CCR5AS: variants seen among roughly 807,000 people sequenced by gnomAD.
CCR5AS encodes the protein CCR5 antisense RNA.
intron 2 of CCR5AS, chr3:46,372,838 G>T: frequency 7.8e-7 from 1 of 1,276,606 alleles, no homozygotes; most frequent in Non-Finnish European, 1.1e-6. Context: ...TTCATGGAGG[G>T]CAACTAAATA....
chr3:46,404,297 T>TTC (rs149336611), intron 1 of CCR5AS, among the ~76,000 whole-genome samples: 4,207 of 71,038 alleles, frequency 0.059, 418 homozygotes, highest in African/African-American at 0.12. Context: ...CAGCAAGGCT[T>TTC]TCTCTCTCTC....
chr3:46,405,862 C>T lies in CCR5AS; in HGVS notation n.163+1035G>A, dbSNP rs183108808. Among the ~76,000 whole-genome samples the T allele has an allele frequency of 2.5e-4, 38 of 151,954 alleles. No individual in the cohort carries two copies. In the East Asian group the frequency reaches 6.6e-3, roughly 26 times the overall value. On this transcript the variant is annotated intron_variant and non_coding_transcript_variant, in intron 1 of 3. Coordinates refer to ENST00000451485, the Ensembl canonical transcript of CCR5AS. Reference sequence around the variant, plus strand: ...TCTCTCCTCCCTTCCTCTCCCCGCCCCTCCTCCTCCTTCTTCTTTTTTTTT... The same window carrying T: ...TCTCTCCTCCCTTCCTCTCCCCGCCTCTCCTCCTCCTTCTTCTTTTTTTTT...
chr3:46,394,236 C>T (rs1701940175), intron 1 of CCR5AS, among the ~76,000 whole-genome samples: 1 of 152,152 alleles, frequency 6.6e-6, no homozygotes, highest in African/African-American at 2.4e-5. Context: ...TCCCCAGCAA[C>T]AAAAACCTAC....
intron 2 of CCR5AS, among the ~76,000 whole-genome samples, chr3:46,388,351 C>A (rs1701880445): frequency 6.6e-6 from 1 of 152,020 alleles, no homozygotes; most frequent in Admixed American, 6.6e-5. Flanking sequence ...AAGAGCAATT[C>A]TCATATAGAA....
chr3:46,402,552 C>G (rs1702013159), intron 1 of CCR5AS, among the ~76,000 whole-genome samples: 1 of 152,058 alleles, frequency 6.6e-6, no homozygotes, highest in Non-Finnish European at 1.5e-5. Context: ...TACAAATTTT[C>G]TGTAACATTT....
At chr3:46,373,885 A>G (rs768291615) in intron 2 of CCR5AS, 32 of 1,612,330 alleles carry the variant, frequency 2.0e-5, no homozygotes, top group African/African-American at 4.0e-5. Flanking sequence ...TCTATTTTCC[A>G]GCAAGAGGCT....
chr3:46,393,075 G>A (rs1243862464), intron 1 of CCR5AS: 1 of 152,658 alleles, frequency 6.6e-6, no homozygotes, highest in Non-Finnish European at 1.5e-5. Context: ...TCAGCAATGG[G>A]AGTTAGGGTT....
chr3:46,373,233 G>A (rs751252593), intron 2 of CCR5AS: 3 of 1,614,110 alleles, frequency 1.9e-6, no homozygotes, highest in Non-Finnish European at 2.5e-6. Context: ...CTATTTTATA[G>A]GCTTCTTCTC....
At chr3:46,391,973 A>G (rs920012978) in intron 2 of CCR5AS, among the ~76,000 whole-genome samples, 8 of 152,096 alleles carry the variant, frequency 5.3e-5, no homozygotes, top group African/African-American at 1.9e-4. Flanking sequence ...CTAGAGAGGG[A>G]CTGATGTGTA....
chr3:46,367,470 G>T (rs1016460934), intron 3 of CCR5AS, among the ~76,000 whole-genome samples: 1 of 151,646 alleles, frequency 6.6e-6, no homozygotes, highest in African/African-American at 2.4e-5. Flanking sequence ...TGTTTTAAAA[G>T]ACATTGTTTT....
At chr3:46,392,419 G>T (rs761338838) in intron 2 of CCR5AS, among the ~76,000 whole-genome samples, 12 of 152,224 alleles carry the variant, frequency 7.9e-5, no homozygotes, top group South Asian at 2.1e-4. Flanking sequence ...AGCGTGGAAG[G>T]TTGCCCATAG....
intron 1 of CCR5AS, among the ~76,000 whole-genome samples, chr3:46,406,424 G>A (rs11574434): frequency 0.12 from 17,471 of 150,248 alleles, 1,170 homozygotes; most frequent in Non-Finnish European, 0.15. Context: ...TGCCCTCCCC[G>A]TCCCACTCTC....
At chr3:46,395,612 G>GT (rs1701953517) in intron 1 of CCR5AS, among the ~76,000 whole-genome samples, 1 of 152,204 alleles carries the variant, frequency 6.6e-6, no homozygotes, top group South Asian at 2.1e-4. Flanking sequence ...GAAAGACTTT[G>GT]TAACTCCTGC....
At chr3:46,374,030 G>A (rs1701716891) in intron 2 of CCR5AS, 1 of 1,192,640 alleles carries the variant, frequency 8.4e-7, no homozygotes, top group East Asian at 2.4e-5. Flanking sequence ...ACACAGCCTG[G>A]GCTGGGGGTG....
intron 2 of CCR5AS, among the ~76,000 whole-genome samples, chr3:46,381,203 T>C (rs1701813577): frequency 6.6e-6 from 1 of 152,170 alleles, no homozygotes; most frequent in African/African-American, 2.4e-5. Flanking sequence ...AGAAGTCTCT[T>C]GTATAGAAAA....
chr3:46,393,753 T>C (rs776835854), intron 1 of CCR5AS, among the ~76,000 whole-genome samples: 19 of 152,124 alleles, frequency 1.2e-4, no homozygotes, highest in Admixed American at 3.3e-4. Flanking sequence ...CCAGAACACA[T>C]AGGAGGGCTT....
At chr3:46,391,714 C>G (rs973195679) in intron 2 of CCR5AS, among the ~76,000 whole-genome samples, 2 of 152,036 alleles carry the variant, frequency 1.3e-5, no homozygotes, top group African/African-American at 4.8e-5. Context: ...AGTTGTGGAA[C>G]GAAACTGTAA....
At chr3:46,398,196 G>T (rs916465988) in intron 1 of CCR5AS, among the ~76,000 whole-genome samples, 1 of 40,112 alleles carries the variant, frequency 2.5e-5, no homozygotes, top group Non-Finnish European at 3.7e-5. Context: ...CAAAATGGAA[G>T]ACCCCAAAAC....
At chr3:46,401,827 C>T (rs1161670791) in intron 1 of CCR5AS, among the ~76,000 whole-genome samples, 1 of 150,852 alleles carries the variant, frequency 6.6e-6, no homozygotes, top group Non-Finnish European at 1.5e-5. Flanking sequence ...TACTAGACCA[C>T]ACAGTAGTAT....
Sources: allele counts gnomAD v4.1 joint callset (sites outside exome capture counted in the v4.1 genomes callset), GRCh38; gene constraint gnomAD v4.1.1; transcripts MANE v1.5; gene names NCBI Gene and HGNC (gene_info 2026-07-23, HGNC 2026-07-21).